The following FBLN7 variants were observed in gnomAD, a reference collection of about 807,000 sequenced individuals.
FBLN7 encodes fibulin-7.
In FBLN7, 31 loss-of-function variants were observed where a neutral mutation model predicts 44.0. The ratio of observed to expected loss-of-function variants is 0.70; its 90% CI spans 0.53 to 0.95. The LOEUF (loss-of-function observed/expected upper bound fraction) is 0.95, where lower values mean the gene tolerates loss of function less well. Among genes scored for constraint, FBLN7 ranks in the 40% least tolerant of loss-of-function variants. The pLI is 0.00. For missense variants in FBLN7, 573 were observed against 618.5 expected, an observed-to-expected ratio of 0.93 and a Z score of 0.78; for synonymous variants, 262 against 253.4, an observed-to-expected ratio of 1.03 and a Z score of -0.32.
intron 3 of FBLN7, among the ~76,000 whole-genome samples, chr2:112,173,482 G>T (rs1346672797): frequency 6.6e-6 from 1 of 151,978 alleles, no homozygotes; most frequent in Non-Finnish European, 1.5e-5. Flanking sequence ...AACAGGAAAT[G>T]AGTTGATAGA....
At chr2:112,236,090 CCT>C in the FBLN7 span, among the ~76,000 whole-genome samples, 1 of 151,908 alleles carries the variant, frequency 6.6e-6, no homozygotes, top group Non-Finnish European at 1.5e-5. Flanking sequence ...ATGGCGAAAC[CCT>C]GTCTCTACTA....
the FBLN7 span, chr2:112,231,796 T>A: frequency 7.5e-7 from 1 of 1,332,836 alleles, no homozygotes; most frequent in Non-Finnish European, 1.0e-6. Context: ...AACATATTCC[T>A]TAAAAAAGAA....
the FBLN7 span, among the ~76,000 whole-genome samples, chr2:112,238,131 G>A: frequency 1.3e-5 from 2 of 152,108 alleles, no homozygotes; most frequent in African/African-American, 4.8e-5. Context: ...AGCATTTAAT[G>A]CACCAAGTGG....
intron 1 of FBLN7, chr2:112,153,012 A>T: frequency 6.6e-6 from 1 of 152,072 alleles, no homozygotes; most frequent in East Asian, 1.9e-4. Context: ...GAGAGTTCTG[A>T]CTAATCCAAA....
the FBLN7 span, among the ~76,000 whole-genome samples, chr2:112,242,071 C>T: frequency 6.6e-6 from 1 of 152,128 alleles, no homozygotes. Context: ...CACAGACTTA[C>T]CAACACATCA....
intron 1 of FBLN7, among the ~76,000 whole-genome samples, chr2:112,157,372 T>TA (rs542582269): frequency 6.0e-5 from 9 of 150,998 alleles, no homozygotes; most frequent in Admixed American, 2.0e-4. Flanking sequence ...TCTATCTCAT[T>TA]AAAAAAAAAT....
the FBLN7 span, among the ~76,000 whole-genome samples, chr2:112,222,686 A>G: frequency 6.6e-6 from 1 of 152,250 alleles, no homozygotes; most frequent in African/African-American, 2.4e-5. Context: ...GACATACTGT[A>G]TGATTTCACT....
intron 2 of FBLN7, among the ~76,000 whole-genome samples, chr2:112,162,043 C>G (rs927968771): frequency 5.9e-5 from 9 of 152,306 alleles, no homozygotes; most frequent in African/African-American, 2.2e-4. Context: ...AAAAGAGAGA[C>G]AAGGTCTCGC....
chr2:112,152,767 G>C (rs1438471974), intron 1 of FBLN7: 2 of 152,226 alleles, frequency 1.3e-5, no homozygotes, highest in Admixed American at 6.5e-5. Context: ...TCTCCAGCCT[G>C]CTCCTGCCCT....
At chr2:112,158,404 G>A (rs1311611912) in intron 1 of FBLN7, among the ~76,000 whole-genome samples, 1 of 151,844 alleles carries the variant, frequency 6.6e-6, no homozygotes, top group Admixed American at 6.6e-5. Context: ...CACCGGGCTC[G>A]GCTAATTTTT....
intron 1 of FBLN7, among the ~76,000 whole-genome samples, chr2:112,155,693 A>AC (rs1395286090): frequency 6.6e-6 from 1 of 152,206 alleles, no homozygotes; most frequent in Non-Finnish European, 1.5e-5. Flanking sequence ...CTCAATGAGC[A>AC]CCGGGGAGAA....
the FBLN7 span, among the ~76,000 whole-genome samples, chr2:112,203,448 C>G: frequency 3.3e-5 from 5 of 152,158 alleles, no homozygotes; most frequent in East Asian, 9.6e-4. Flanking sequence ...CCAGGAAAAA[C>G]ACTAAACAAA....
intron 2 of FBLN7, among the ~76,000 whole-genome samples, chr2:112,160,933 C>G (rs971077479): frequency 6.6e-6 from 1 of 152,150 alleles, no homozygotes; most frequent in Non-Finnish European, 1.5e-5. Context: ...GTGCTTCAGG[C>G]GTGAAAGTGC....
At chr2:112,154,576 C>A (rs1334977158) in intron 1 of FBLN7, among the ~76,000 whole-genome samples, 6 of 152,162 alleles carry the variant, frequency 3.9e-5, no homozygotes, top group African/African-American at 1.4e-4. Context: ...CTGTTGGGAC[C>A]TGGAACCCTG....
intron 1 of FBLN7, among the ~76,000 whole-genome samples, chr2:112,139,054 C>T (rs1680504169): frequency 4.0e-5 from 3 of 74,340 alleles, no homozygotes; most frequent in Non-Finnish European, 8.3e-5. Flanking sequence ...GCGTCCCTCC[C>T]GCCTCTCTCC....
chr2:112,236,440 A>C, the FBLN7 span: 3 of 1,363,002 alleles, frequency 2.2e-6, no homozygotes, highest in Non-Finnish European at 3.0e-6. Flanking sequence ...TTCATCCGAA[A>C]ACCGATTCTG....
At chr2:112,154,997 C>T (rs925583771) in intron 1 of FBLN7, among the ~76,000 whole-genome samples, 1 of 152,176 alleles carries the variant, frequency 6.6e-6, no homozygotes, top group Non-Finnish European at 1.5e-5. Flanking sequence ...CAAGGGAGCA[C>T]CTGTGTCTAA....
In FBLN7 at chr2:112,163,668, C is replaced by T. The variant is rs539740445; in HGVS notation, c.236-1333C>T. Reference sequence around the variant, plus strand: ...ACTACCCTGGCCTGAGCTTCCCTCCCCTTCCTCTTGTACGGGCACTTCACA... The same window carrying T: ...ACTACCCTGGCCTGAGCTTCCCTCCTCTTCCTCTTGTACGGGCACTTCACA... On this transcript the variant is annotated intron_variant, in intron 2 of 7. Transcript: ENST00000331203. Among the ~76,000 whole-genome samples the T allele has an allele frequency of 2.0e-5, 3 of 152,328 alleles. No homozygotes were observed. The South Asian group carries it at 6.2e-4, about 32-fold the overall frequency.
At chr2:112,188,261 A>G (rs1053285665), downstream of FBLN7, 3 of 152,186 alleles carry the variant, frequency 2.0e-5, no homozygotes, top group African/African-American at 7.2e-5. Flanking sequence ...ACTTCCTTCT[A>G]GGAGGGGGTG....
Sources: gnomAD v4.1 joint callset for allele counts (sites outside exome capture counted in the v4.1 genomes callset) on GRCh38, gnomAD v4.1.1 for gene constraint, MANE v1.5 for transcripts, NCBI Gene and HGNC (gene_info 2026-07-23, HGNC 2026-07-21) for gene names.